CHCHD3: variants seen among roughly 807,000 people sequenced by gnomAD.
The protein encoded by CHCHD3 is coiled-coil-helix-coiled-coil-helix domain containing 3.
A neutral mutation model predicts 38.2 loss-of-function variants in CHCHD3; 20 were observed. The ratio of observed to expected loss-of-function variants is 0.52; its 90% CI spans 0.37 to 0.76. The LOEUF is 0.76. Ranked by LOEUF, CHCHD3 falls within the 30% of genes least tolerant of loss-of-function variation. The pLI, the probability that CHCHD3 is intolerant of heterozygous loss-of-function variation, is 0.00. For missense variants in CHCHD3, 245 were observed against 279.2 expected, an observed-to-expected ratio of 0.88 and a Z score of 0.87; for synonymous variants, 82 against 100.0, an observed-to-expected ratio of 0.82 and a Z score of 1.07.
At chr7:132,803,743 T>C (rs1448697665) in intron 6 of CHCHD3, among the ~76,000 whole-genome samples, 3 of 150,748 alleles carry the variant, frequency 2.0e-5, no homozygotes, top group African/African-American at 4.9e-5. Context: ...AAATAATCTA[T>C]TGGAACTAGA....
At chr7:132,950,375 T>G (rs932829469) in intron 4 of CHCHD3, among the ~76,000 whole-genome samples, 1 of 152,198 alleles carries the variant, frequency 6.6e-6, no homozygotes, top group Non-Finnish European at 1.5e-5. Context: ...TTTGACATTT[T>G]AGGAAAAAGA....
intron 5 of CHCHD3, among the ~76,000 whole-genome samples, chr7:132,882,974 G>A (rs1051052255): frequency 1.3e-5 from 2 of 152,196 alleles, no homozygotes; most frequent in East Asian, 3.9e-4. Flanking sequence ...TCCCCAGGCT[G>A]TTCTTGTGAT....
intron 6 of CHCHD3, among the ~76,000 whole-genome samples, chr7:132,836,226 G>A (rs780709277): frequency 1.3e-5 from 2 of 151,854 alleles, no homozygotes; most frequent in Non-Finnish European, 2.9e-5. Context: ...CGATTCTCCT[G>A]CCTTAGCCTT....
intron 3 of CHCHD3, among the ~76,000 whole-genome samples, chr7:132,985,216 C>G (rs1453970963): frequency 2.5e-5 from 2 of 79,770 alleles, no homozygotes; most frequent in African/African-American, 4.7e-5. Flanking sequence ...GTTAGCCCCC[C>G]GCCCGGCCAG....
At chr7:132,837,892 G>C (rs1469522264) in intron 6 of CHCHD3, among the ~76,000 whole-genome samples, 1 of 152,190 alleles carries the variant, frequency 6.6e-6, no homozygotes, top group East Asian at 1.9e-4. Context: ...CAAGGATTAA[G>C]AGAGGTAGCA....
intron 6 of CHCHD3, among the ~76,000 whole-genome samples, chr7:132,819,387 G>A (rs777701238): frequency 1.6e-4 from 25 of 152,122 alleles, no homozygotes; most frequent in Non-Finnish European, 3.2e-4. Context: ...GCACACACAC[G>A]AGAAAACGCA....
intron 3 of CHCHD3, among the ~76,000 whole-genome samples, chr7:133,004,636 A>C: frequency 6.6e-6 from 1 of 152,236 alleles, no homozygotes; most frequent in East Asian, 1.9e-4. Flanking sequence ...ACACTAACTA[A>C]AGACACTGAA....
intron 6 of CHCHD3, among the ~76,000 whole-genome samples, chr7:132,821,987 C>T (rs1474263368): frequency 1.3e-5 from 2 of 152,132 alleles, no homozygotes; most frequent in African/African-American, 2.4e-5. Context: ...TGGTCTCGAT[C>T]TCCTGACCTC....
intron 6 of CHCHD3, among the ~76,000 whole-genome samples, chr7:132,834,535 A>G (rs925066707): frequency 6.6e-6 from 1 of 152,210 alleles, no homozygotes; most frequent in African/African-American, 2.4e-5. Context: ...GCAAGTTTGC[A>G]GAGCGGGGGA....
intron 7 of CHCHD3, among the ~76,000 whole-genome samples, chr7:132,791,239 T>G (rs779191533): frequency 6.6e-6 from 1 of 152,190 alleles, no homozygotes; most frequent in Non-Finnish European, 1.5e-5. Flanking sequence ...GGTGGGTACA[T>G]TTTAAGCAAA....
At chr7:133,000,036 A>G (rs892674269) in intron 3 of CHCHD3, among the ~76,000 whole-genome samples, 1 of 152,172 alleles carries the variant, frequency 6.6e-6, no homozygotes, top group Non-Finnish European at 1.5e-5. Flanking sequence ...TCTCACTTTT[A>G]TCAGATCAGC....
At chr7:132,966,603 A>G (rs1811470099) in intron 4 of CHCHD3, among the ~76,000 whole-genome samples, 1 of 152,208 alleles carries the variant, frequency 6.6e-6, no homozygotes, top group African/African-American at 2.4e-5. Context: ...GTTCAATGTA[A>G]TACTGAATTC....
At chr7:132,897,698 A>G (rs963067998) in intron 4 of CHCHD3, among the ~76,000 whole-genome samples, 1 of 152,234 alleles carries the variant, frequency 6.6e-6, no homozygotes, top group African/African-American at 2.4e-5. Flanking sequence ...TTTCAGCCCT[A>G]TTCAACATAA....
intron 4 of CHCHD3, among the ~76,000 whole-genome samples, chr7:132,924,623 A>G (rs894134731): frequency 1.3e-5 from 2 of 152,184 alleles, no homozygotes; most frequent in African/African-American, 4.8e-5. Flanking sequence ...TATTCATTCA[A>G]AATTTTCATG....
At chr7:132,961,462 G>T (rs10247871) in intron 4 of CHCHD3, among the ~76,000 whole-genome samples, 9,997 of 152,064 alleles carry the variant, frequency 0.066, 831 homozygotes, top group African/African-American at 0.2. Flanking sequence ...GTTTTACTGG[G>T]GTGTAACTGA....
chr7:132,866,957 G>A (rs1362102693), intron 5 of CHCHD3, among the ~76,000 whole-genome samples: 1 of 152,152 alleles, frequency 6.6e-6, no homozygotes, highest in Non-Finnish European at 1.5e-5. Context: ...CCCTGCTCAC[G>A]TAGCATCTAA....
chr7:133,064,804 T>G (rs1330263000), intron 2 of CHCHD3, among the ~76,000 whole-genome samples: 2 of 152,196 alleles, frequency 1.3e-5, no homozygotes, highest in Non-Finnish European at 2.9e-5. Context: ...TTTGTCTTGT[T>G]TTTTTCCAGA....
At chr7:132,995,385 C>T (rs578023891) in intron 3 of CHCHD3, among the ~76,000 whole-genome samples, 7 of 152,276 alleles carry the variant, frequency 4.6e-5, no homozygotes, top group African/African-American at 1.7e-4. Flanking sequence ...TCCCTTAAGA[C>T]CACTTAATAT....
chr7:132,972,559 T>C (rs982682710), intron 4 of CHCHD3: 3 of 981,604 alleles, frequency 3.1e-6, no homozygotes, highest in Admixed American at 1.2e-4. Flanking sequence ...TAATAATAAA[T>C]AACAACAATA....
Sources: gnomAD v4.1 joint callset for allele counts (sites outside exome capture counted in the v4.1 genomes callset) on GRCh38, gnomAD v4.1.1 for gene constraint, MANE v1.5 for transcripts, NCBI Gene and HGNC (gene_info 2026-07-23, HGNC 2026-07-21) for gene names.